BDNF: variants seen among roughly 807,000 people sequenced by gnomAD.
BDNF encodes brain derived neurotrophic factor.
A neutral mutation model predicts 19.5 loss-of-function variants in BDNF; 1 was observed. The ratio of observed to expected loss-of-function variants is 0.05; its 90% CI spans 0.02 to 0.24. The LOEUF is 0.24. BDNF is among the 10% of genes least tolerant of loss of function. The pLI, the probability that BDNF is intolerant of heterozygous loss-of-function variation, is 1.00. For synonymous variants in BDNF, 100 were observed against 121.6 expected (o/e 0.82, Z 1.17); for missense variants, 195 against 317.6 (o/e 0.61, Z 2.93).
intron 1 of BDNF, among the ~76,000 whole-genome samples, chr11:27,697,164 CAGAGAGAG>C (rs72348822): frequency 0.013 from 1,758 of 133,154 alleles, 22 homozygotes; most frequent in Admixed American, 0.038. Flanking sequence ...CACACACACA[CAGAGAGAG>C]AGAGAGAGAG....
At chr11:27,702,630 A>G (rs935792115), upstream of BDNF, among the ~76,000 whole-genome samples, 9 of 152,246 alleles carry the variant, frequency 5.9e-5, no homozygotes, top group African/African-American at 1.7e-4. Context: ...GTGGTTACCA[A>G]GAATGTGCTG....
intron 1 of BDNF, among the ~76,000 whole-genome samples, chr11:27,720,984 C>T (rs1860726151): frequency 6.8e-6 from 1 of 146,520 alleles, no homozygotes; most frequent in Non-Finnish European, 1.5e-5. Flanking sequence ...AGTCTTTACC[C>T]CACCCTTACC....
chr11:27,674,363 C>G (rs10835210), intron 1 of BDNF: 51 of 1,518,802 alleles, frequency 3.4e-5, no homozygotes, highest in Non-Finnish European at 4.2e-5. Flanking sequence ...CAGGAAAGTG[C>G]TCATTACTTG....
chr11:27,679,107 T>G (rs890235119), intron 1 of BDNF, among the ~76,000 whole-genome samples: 3 of 152,228 alleles, frequency 2.0e-5, no homozygotes, highest in African/African-American at 7.2e-5. Flanking sequence ...GCAAGGTGCC[T>G]AGTTCCAGCT....
At chr11:27,699,388 C>G in intron 1 of BDNF, 1 of 1,614,144 alleles carries the variant, frequency 6.2e-7, no homozygotes, top group East Asian at 2.2e-5. Flanking sequence ...TCACCCATTC[C>G]TCTTCCCGGC....
At chr11:27,718,395 A>G (rs1374704475) in intron 1 of BDNF, among the ~76,000 whole-genome samples, 1 of 98,174 alleles carries the variant, frequency 1.0e-5, no homozygotes, top group Non-Finnish European at 1.8e-5. Context: ...TAAATCTCCC[A>G]GTTCTGCGTT....
chr11:27,681,374 A>G (rs913923019), intron 1 of BDNF, among the ~76,000 whole-genome samples: 1 of 152,184 alleles, frequency 6.6e-6, no homozygotes, highest in Non-Finnish European at 1.5e-5. Flanking sequence ...CATCATATCT[A>G]CAACTTCCAG....
chr11:27,674,202 C>A, intron 1 of BDNF: 3 of 1,604,580 alleles, frequency 1.9e-6, no homozygotes, highest in Middle Eastern at 1.7e-4. Context: ...GACCTGCAAC[C>A]CTTTCTGTAG....
chr11:27,685,114 T>G (rs954018974), intron 1 of BDNF, among the ~76,000 whole-genome samples: 5 of 152,042 alleles, frequency 3.3e-5, no homozygotes, highest in Non-Finnish European at 7.4e-5. Flanking sequence ...GACTTCTTCC[T>G]TTAGTCTTAG....
chr11:27,697,187 AG>A (rs1859179875), intron 1 of BDNF, among the ~76,000 whole-genome samples: 1 of 152,024 alleles, frequency 6.6e-6, no homozygotes, highest in Non-Finnish European at 1.5e-5. Flanking sequence ...AGAGAGAGAG[AG>A]AGAGAGAGCA....
At chr11:27,686,320 A>C (rs1189406407) in intron 1 of BDNF, among the ~76,000 whole-genome samples, 1 of 152,196 alleles carries the variant, frequency 6.6e-6, no homozygotes, top group Non-Finnish European at 1.5e-5. Context: ...TCCAGAACAC[A>C]GCACACTGAT....
rs1338807703 is a variant in BDNF, at chr11:27,658,734, C to T, written c.-21-149G>A. ...GGTGATAAACTCCAGCTGCACCAGA[C>T]ACAAATCAGTGTCAGTAGTGTGCTG... On this transcript the variant is annotated intron_variant, in intron 1 of 1. Transcript: ENST00000356660. The surrounding 1 kb of genome is among the most constrained non-coding windows in gnomAD (Gnocchi z 5.7). The T allele has an allele frequency of 6.5e-7, 1 of 1,541,134 alleles. No homozygotes were observed. The highest frequency in any genetic ancestry group is 2.4e-5 in the East Asian group (1 of 41,742).
intron 1 of BDNF, among the ~76,000 whole-genome samples, chr11:27,709,193 G>C (rs1860231840): frequency 1.3e-5 from 2 of 152,080 alleles, no homozygotes; most frequent in South Asian, 4.1e-4. Context: ...GTTTTCTTGG[G>C]GTGGAGGATC....
At chr11:27,713,782 A>C (rs1172116702) in intron 1 of BDNF, among the ~76,000 whole-genome samples, 1 of 152,172 alleles carries the variant, frequency 6.6e-6, no homozygotes, top group African/African-American at 2.4e-5. Flanking sequence ...AACTTTGACA[A>C]AGTACATTTT....
In BDNF at chr11:27,658,781, G is replaced by T; in HGVS notation, c.-21-196C>A. 6.9e-7 allele frequency: 1 copy of T among 1,455,056 alleles called. No homozygotes were observed. The highest frequency in any genetic ancestry group is 9.1e-7 in the Non-Finnish European group (1 of 1,103,702). The allele number at this position is 1,455,056 out of a possible 1,614,324, so 90.1% of individuals were successfully genotyped here. A position where few individuals can be genotyped will look rare whatever the true frequency, so the allele number is the denominator to read the frequency against. On this transcript the variant is annotated intron_variant, in intron 1 of 1. Transcript: ENST00000356660. The surrounding 1 kb of genome is among the most constrained non-coding windows in gnomAD (Gnocchi z 5.7). ...GCTGTATGTGGTTTAATATAAACCA[G>T]AGACATGCAGTGTTTCCCCCAAGAT...
At chr11:27,662,431 T>G (rs895547416) in intron 1 of BDNF, among the ~76,000 whole-genome samples, 2 of 152,228 alleles carry the variant, frequency 1.3e-5, no homozygotes, top group Non-Finnish European at 2.9e-5. Context: ...CCTTTTCATT[T>G]GGAAAGATCA....
intron 1 of BDNF, chr11:27,677,764 T>A (rs547027736): frequency 1.3e-5 from 2 of 152,360 alleles, no homozygotes; most frequent in South Asian, 2.1e-4. Context: ...GTAAATTAAC[T>A]GTCAAATAAT....
intron 1 of BDNF, among the ~76,000 whole-genome samples, chr11:27,688,455 A>G (rs1379899226): frequency 2.0e-5 from 3 of 152,156 alleles, no homozygotes; most frequent in African/African-American, 4.8e-5. Flanking sequence ...CCACTGGGGT[A>G]TGAGAAAAAA....
At chr11:27,707,304 C>A (rs1411058746) in intron 1 of BDNF, among the ~76,000 whole-genome samples, 3 of 152,260 alleles carry the variant, frequency 2.0e-5, no homozygotes, top group Admixed American at 6.5e-5. Context: ...GCCTAACAAC[C>A]CAATGAGACC....
Sources: allele counts gnomAD v4.1 joint callset (sites outside exome capture counted in the v4.1 genomes callset), GRCh38; gene constraint gnomAD v4.1.1; non-coding constraint Gnocchi (gnomAD v3.1); transcripts MANE v1.5; gene names NCBI Gene and HGNC (gene_info 2026-07-23, HGNC 2026-07-21).